Variants in ZMAT4 observed in about 807,000 individuals in gnomAD.
ZMAT4 encodes zinc finger matrin-type protein 4.
In ZMAT4, 17 loss-of-function variants were observed where a neutral mutation model predicts 28.7. The observed-to-expected ratio is 0.59, with a 90% CI of 0.41 to 0.89. The LOEUF is 0.89. Among genes scored for constraint, ZMAT4 ranks in the 40% least tolerant of loss-of-function variants. ZMAT4 has a pLI of 0.00. For missense variants in ZMAT4, 240 were observed against 283.8 expected, an observed-to-expected ratio of 0.85 and a Z score of 1.11; for synonymous variants, 117 against 109.2, an observed-to-expected ratio of 1.07 and a Z score of -0.44.
At chr8:40,601,199 G>T (rs2118613159) in intron 5 of ZMAT4, among the ~76,000 whole-genome samples, 1 of 152,130 alleles carries the variant, frequency 6.6e-6, no homozygotes, top group South Asian at 2.1e-4. Context: ...GGATTTTACA[G>T]GGTAGGGGAA....
At chr8:40,652,199 T>C (rs1807697204) in intron 5 of ZMAT4, among the ~76,000 whole-genome samples, 2 of 125,832 alleles carry the variant, frequency 1.6e-5, no homozygotes, top group Admixed American at 8.2e-5. Context: ...AAAGGGCTAA[T>C]ATCCAGAATC....
At chr8:40,888,622 A>C (rs2150669525) in intron 1 of ZMAT4, 1 of 152,454 alleles carries the variant, frequency 6.6e-6, no homozygotes, top group African/African-American at 2.4e-5. Context: ...GGCACCCATC[A>C]CAGAGCCAGC....
At chr8:40,647,152 C>A (rs953375203) in intron 5 of ZMAT4, among the ~76,000 whole-genome samples, 1 of 152,196 alleles carries the variant, frequency 6.6e-6, no homozygotes, top group African/African-American at 2.4e-5. Context: ...TCTGCATTTC[C>A]ATCCGAGGTA....
At chr8:40,860,083 A>G (rs1817435751) in intron 1 of ZMAT4, among the ~76,000 whole-genome samples, 1 of 152,252 alleles carries the variant, frequency 6.6e-6, no homozygotes, top group African/African-American at 2.4e-5. Flanking sequence ...CAAGACATAG[A>G]TCTTTTCAGC....
At chr8:40,591,360 C>T (rs1473805813) in intron 5 of ZMAT4, among the ~76,000 whole-genome samples, 1 of 152,182 alleles carries the variant, frequency 6.6e-6, no homozygotes, top group African/African-American at 2.4e-5. Context: ...CCTCCAGCTC[C>T]CACTGCATCT....
intron 6 of ZMAT4, among the ~76,000 whole-genome samples, chr8:40,547,186 G>C (rs1563334702): frequency 6.6e-6 from 1 of 152,210 alleles, no homozygotes; most frequent in African/African-American, 2.4e-5. Context: ...CCCACAGTCT[G>C]TGTGCGGGCA....
chr8:40,799,390 C>T (rs757301324), intron 2 of ZMAT4, among the ~76,000 whole-genome samples: 16 of 152,122 alleles, frequency 1.1e-4, no homozygotes, highest in African/African-American at 1.7e-4. Context: ...TTTCCCTTTC[C>T]GTTCTGATAT....
chr8:40,797,511 AGGGGAG>A (rs1814648501), intron 2 of ZMAT4, among the ~76,000 whole-genome samples: 2 of 152,200 alleles, frequency 1.3e-5, no homozygotes, highest in Admixed American at 1.3e-4. Context: ...CAGACAGTGA[AGGGGAG>A]GGGGAGTGAG....
intron 3 of ZMAT4, among the ~76,000 whole-genome samples, chr8:40,705,119 T>TA (rs1348293624): frequency 2.4e-4 from 36 of 152,242 alleles, no homozygotes; most frequent in African/African-American, 8.2e-4. Context: ...TGAAGATTTC[T>TA]ACTGAAGAGA....
chr8:40,719,241 C>T (rs1365295349), intron 3 of ZMAT4, among the ~76,000 whole-genome samples: 2 of 152,076 alleles, frequency 1.3e-5, no homozygotes, highest in African/African-American at 4.8e-5. Flanking sequence ...GAGTTCAAGA[C>T]CAGCCTGGCC....
At chr8:40,631,410 G>A (rs762971397) in intron 5 of ZMAT4, among the ~76,000 whole-genome samples, 3 of 152,074 alleles carry the variant, frequency 2.0e-5, no homozygotes, top group South Asian at 4.2e-4. Flanking sequence ...CACCCACCTC[G>A]GCCTCCCAAG....
chr8:40,797,774 G>T lies in ZMAT4; in HGVS notation c.102+27801C>A, dbSNP rs530920140. Among the ~76,000 whole-genome samples, 26 of 152,302 alleles carry T rather than the reference G, an allele frequency of 1.7e-4. No homozygotes were observed. In the South Asian group the frequency reaches 5.4e-3, roughly 32 times the overall value. On this transcript the variant is annotated intron_variant, in intron 2 of 6. Transcript: ENST00000297737. ...CCACCAGTAAGCTTATCAGGCAGGG[G>T]ATCTGTCGACAGGTCACAGTCTCCT...
chr8:40,756,462 A>ATACC (rs1812699018), intron 3 of ZMAT4, among the ~76,000 whole-genome samples: 1 of 137,036 alleles, frequency 7.3e-6, no homozygotes, highest in African/African-American at 2.7e-5. Flanking sequence ...ATATATACAC[A>ATACC]CTTGTATACC....
chr8:40,767,100 A>T (rs141479047), intron 3 of ZMAT4, among the ~76,000 whole-genome samples: 1 of 151,872 alleles, frequency 6.6e-6, no homozygotes, highest in Non-Finnish European at 1.5e-5. Context: ...CTCTGACTTG[A>T]CTCCCTCAAA....
chr8:40,633,210 A>T (rs945554998), intron 5 of ZMAT4, among the ~76,000 whole-genome samples: 5 of 152,120 alleles, frequency 3.3e-5, no homozygotes, highest in Non-Finnish European at 5.9e-5. Flanking sequence ...TAGAATGTAA[A>T]TTTTTCAAAA....
intron 1 of ZMAT4, among the ~76,000 whole-genome samples, chr8:40,896,036 G>A (rs186587897): frequency 2.0e-5 from 3 of 152,268 alleles, no homozygotes; most frequent in Non-Finnish European, 2.9e-5. Context: ...AGGAAGTACA[G>A]AAGAGAACGC....
intron 1 of ZMAT4, among the ~76,000 whole-genome samples, chr8:40,834,322 C>G (rs1448066889): frequency 6.6e-6 from 1 of 152,052 alleles, no homozygotes; most frequent in Non-Finnish European, 1.5e-5. Context: ...CTCTCTGATC[C>G]CTTGTCCTTT....
chr8:40,623,163 A>G (rs968782347), intron 5 of ZMAT4, among the ~76,000 whole-genome samples: 1 of 152,154 alleles, frequency 6.6e-6, no homozygotes, highest in African/African-American at 2.4e-5. Flanking sequence ...AGATGGAAAA[A>G]TGGCAGCGTG....
At chr8:40,676,163 G>A (rs1159993885) in intron 4 of ZMAT4, among the ~76,000 whole-genome samples, 2 of 152,160 alleles carry the variant, frequency 1.3e-5, no homozygotes, top group African/African-American at 4.8e-5. Flanking sequence ...CTGAAGGTGA[G>A]ATATCTAGTG....
Sources: allele counts gnomAD v4.1 joint callset (sites outside exome capture counted in the v4.1 genomes callset), GRCh38; gene constraint gnomAD v4.1.1; transcripts MANE v1.5; gene names NCBI Gene and HGNC (gene_info 2026-07-23, HGNC 2026-07-21).